Variants in LAMA2 observed in about 807,000 individuals in gnomAD.
The protein encoded by LAMA2 is laminin subunit alpha 2.
Under a neutral mutation model 364.8 loss-of-function variants are expected in LAMA2, and 269 were observed. The ratio of observed to expected loss-of-function variants is 0.74; its 90% CI spans 0.67 to 0.82. The LOEUF is 0.82. Among genes scored for constraint, LAMA2 ranks in the 40% least tolerant of loss-of-function variants. The pLI, the probability that LAMA2 is intolerant of heterozygous loss-of-function variation, is 0.00. For synonymous variants in LAMA2, 1,379 were observed against 1,370.6 expected, an observed-to-expected ratio of 1.01 and a Z score of -0.14; for missense variants, 3,807 against 3,873.2, an observed-to-expected ratio of 0.98 and a Z score of 0.45.
At chr6:129,269,689 CA>C (rs542557518) in intron 16 of LAMA2, among the ~76,000 whole-genome samples, 2 of 151,632 alleles carry the variant, frequency 1.3e-5, no homozygotes, top group East Asian at 3.9e-4. Flanking sequence ...AATAATTTTA[CA>C]AAAAAACAAG....
intron 1 of LAMA2, among the ~76,000 whole-genome samples, chr6:128,953,020 G>A (rs185460606): frequency 3.5e-4 from 53 of 152,220 alleles, no homozygotes; most frequent in African/African-American, 1.1e-3. Context: ...AGTTTAAATC[G>A]GAGGAGGAAA....
intron 4 of LAMA2, among the ~76,000 whole-genome samples, chr6:129,121,517 C>T (rs1776805940): frequency 1.3e-5 from 2 of 152,078 alleles, no homozygotes; most frequent in Admixed American, 1.3e-4. Context: ...GTCTGCTACT[C>T]CAAAGATCTT....
chr6:129,488,482 T>G (rs1278767731), intron 56 of LAMA2, among the ~76,000 whole-genome samples: 1 of 152,192 alleles, frequency 6.6e-6, no homozygotes, highest in African/African-American at 2.4e-5. Context: ...CTATGTCCTT[T>G]TAACAGGTGC....
intron 8 of LAMA2, chr6:129,158,628 A>G (rs1455796432): frequency 1.9e-6 from 3 of 1,614,056 alleles, no homozygotes; most frequent in African/African-American, 2.7e-5. Flanking sequence ...GATCATAGCA[A>G]TTATGCAGAC....
rs748373493 is a variant in LAMA2, at chr6:129,507,606, G to A, written c.8821G>A (p.Gly2941Arg). The change falls in exon 62 of 65, where the codon GGA (glycine) becomes AGA (arginine). Residue 2941 changes from glycine (G) to arginine (R), a missense_variant. Gly to Arg is a moderately radical substitution (Grantham distance 125). Coordinates refer to ENST00000421865, the MANE Select transcript of LAMA2 (RefSeq NM_000426.4). ...VGTCFANAQR[G>R]TYFDGTGFAK... Reference sequence around the variant, plus strand: ...GACATGTTTTGCAAATGCTCAGAGGGGAACATATTTTGACGGAACCGGTTT... The same window carrying A: ...GACATGTTTTGCAAATGCTCAGAGGAGAACATATTTTGACGGAACCGGTTT... 29 of 1,614,032 alleles carry A rather than the reference G, an allele frequency of 1.8e-5. No individual in the cohort carries two copies. Among genetic ancestry groups the A allele is most frequent in the Non-Finnish European group, 2.4e-5 (28 of 1,180,012 alleles).
At chr6:129,308,834 C>T (rs1390114314) in intron 22 of LAMA2, among the ~76,000 whole-genome samples, 2 of 152,166 alleles carry the variant, frequency 1.3e-5, no homozygotes, top group Non-Finnish European at 2.9e-5. Context: ...CAAGGACAGA[C>T]TTCCACATGG....
chr6:129,401,801 G>A (rs1169552447), intron 38 of LAMA2, among the ~76,000 whole-genome samples: 1 of 151,836 alleles, frequency 6.6e-6, no homozygotes, highest in East Asian at 1.9e-4. Flanking sequence ...TAAATAGATA[G>A]GCTTTTCTTG....
Position 129,492,310 on chromosome 6 carries a change from A to G in LAMA2, c.8076-5A>G, listed in dbSNP as rs753468599. On this transcript the variant is annotated splice_region_variant and splice_polypyrimidine_tract_variant and intron_variant, in intron 57 of 64. Transcript: ENST00000421865. The stretch of plus-strand genomic sequence containing the variant: ...AAAAAAATCTTATTTATTACATTCT[A>G]TTAGCCCCATGGACTTTGCAAGGCC... 23 of 1,613,498 alleles carry G rather than the reference A, an allele frequency of 1.4e-5. No individual in the cohort carries two copies. Among genetic ancestry groups the G allele is most frequent in the African/African-American group, 6.7e-5 (5 of 74,928 alleles).
intron 42 of LAMA2, 111 bp downstream of exon 42, chr6:129,438,873 T>A: frequency 1.4e-6 from 1 of 728,286 alleles, no homozygotes; most frequent in Non-Finnish European, 2.6e-6. Flanking sequence ...ATCTGGAAAT[T>A]AGATACTGTT....
intron 1 of LAMA2, among the ~76,000 whole-genome samples, chr6:129,014,234 T>C (rs1341246019): frequency 6.6e-6 from 1 of 152,322 alleles, no homozygotes; most frequent in South Asian, 2.1e-4. Context: ...TTTGGATATG[T>C]AAGTCTCATC....
At chr6:129,206,112 GGAAGGAAGGAAGGA>G (rs1562331114) in intron 12 of LAMA2, among the ~76,000 whole-genome samples, 2,180 of 97,238 alleles carry the variant, frequency 0.022, 78 homozygotes, top group East Asian at 0.098. Flanking sequence ...GAGGGAGGAA[GGAAGGAAGGAAGGA>G]AGGAAGGAAG....
chr6:128,938,014 T>C (rs779738860), intron 1 of LAMA2, among the ~76,000 whole-genome samples: 1 of 152,276 alleles, frequency 6.6e-6, no homozygotes, highest in Admixed American at 6.5e-5. Flanking sequence ...TTTTGATTTC[T>C]CTTTGGATTT....
At chr6:129,208,767 G>T (rs976887187) in intron 12 of LAMA2, among the ~76,000 whole-genome samples, 2 of 150,736 alleles carry the variant, frequency 1.3e-5, no homozygotes, top group Admixed American at 1.3e-4. Context: ...GAGGAAGCAG[G>T]GAGGGCAAGG....
chr6:129,501,296 G>C (rs1280834178), intron 58 of LAMA2, among the ~76,000 whole-genome samples: 1 of 152,170 alleles, frequency 6.6e-6, no homozygotes, highest in African/African-American at 2.4e-5. Flanking sequence ...TCAGCTGTGC[G>C]AATGAATAGC....
chr6:128,993,543 C>T (rs921761287), intron 1 of LAMA2, among the ~76,000 whole-genome samples: 1 of 149,696 alleles, frequency 6.7e-6, no homozygotes, highest in African/African-American at 2.6e-5. Context: ...AGACACTCTG[C>T]CTGTATCCTT....
chr6:128,940,890 G>A (rs2114540840), intron 1 of LAMA2, among the ~76,000 whole-genome samples: 2 of 152,306 alleles, frequency 1.3e-5, no homozygotes, highest in Middle Eastern at 6.8e-3. Context: ...GTTCCAGGCT[G>A]CAGCGTGCTG....
In LAMA2 at chr6:129,353,256, G is replaced by A. The variant is rs1369617555; in HGVS notation, c.4616G>A (p.Cys1539Tyr). ...CCCTATGGCTCACTGCCTGTGCCCTGTGACCCTGTCACAGGATTCTGCACG... is the reference window on the plus strand; with the variant it reads ...CCCTATGGCTCACTGCCTGTGCCCTATGACCCTGTCACAGGATTCTGCACG... ...CDPYGSLPVPCDPVTGFCTCR... is the reference protein window; with the variant it reads ...CDPYGSLPVPYDPVTGFCTCR... The change falls in exon 32 of 65, where the codon TGT becomes TAT. Residue 1539 changes from cysteine (C) to tyrosine (Y), a missense_variant. Around this residue, in one of 3 missense-constraint regions of LAMA2, gnomAD observed 3,333 missense variants for 3,345.7 expected, o/e 1.00. Transcript: ENST00000421865. The A allele has an allele frequency of 3.1e-6, 5 of 1,614,098 alleles. No homozygotes were observed. The highest frequency in any genetic ancestry group is 4.2e-6 in the Non-Finnish European group (5 of 1,179,982).
intron 17 of LAMA2, among the ~76,000 whole-genome samples, chr6:129,272,819 A>G (rs1332265492): frequency 6.6e-6 from 1 of 152,098 alleles, no homozygotes; most frequent in East Asian, 1.9e-4. Flanking sequence ...TGCGAACTGC[A>G]CCTGCGAGGG....
intron 55 of LAMA2, among the ~76,000 whole-genome samples, chr6:129,485,054 A>G (rs1784527154): frequency 6.6e-6 from 1 of 152,240 alleles, no homozygotes; most frequent in Non-Finnish European, 1.5e-5. Context: ...GCACTAAATA[A>G]ATATAAAATA....
Sources: allele counts gnomAD v4.1 joint callset (sites outside exome capture counted in the v4.1 genomes callset), GRCh38; gene constraint gnomAD v4.1.1; regional missense constraint gnomAD v4.1.1; transcripts MANE v1.5; gene names NCBI Gene and HGNC (gene_info 2026-07-23, HGNC 2026-07-21).